Variants in CFAP58 observed in about 807,000 individuals in gnomAD.
CFAP58 encodes cilia- and flagella-associated protein 58.
Under a neutral mutation model 119.5 loss-of-function variants are expected in CFAP58, and 88 were observed. The observed-to-expected ratio is 0.74, with a 90% confidence interval of 0.62 to 0.88. The LOEUF is 0.88. CFAP58 is among the 40% of genes least tolerant of loss of function. The pLI is 0.00. For missense variants in CFAP58, 990 were observed against 1,021.2 expected, an observed-to-expected ratio of 0.97 and a Z score of 0.42; for synonymous variants, 365 against 366.3, an observed-to-expected ratio of 1.00 and a Z score of 0.04.
intron 15 of CFAP58, among the ~76,000 whole-genome samples, chr10:104,418,634 G>A (rs977622630): frequency 5.9e-5 from 9 of 152,196 alleles, no homozygotes; most frequent in Non-Finnish European, 1.2e-4. Flanking sequence ...CCTCCCAATA[G>A]AGCCACTGAA....
chr10:104,378,525 C>A (rs2011714647), intron 8 of CFAP58, among the ~76,000 whole-genome samples: 1 of 152,120 alleles, frequency 6.6e-6, no homozygotes, highest in South Asian at 2.1e-4. Context: ...TACAGCTGGG[C>A]CTCAGGAACC....
chr10:104,421,908 A>G (rs933077980), intron 15 of CFAP58, among the ~76,000 whole-genome samples: 48 of 152,226 alleles, frequency 3.2e-4, no homozygotes, highest in African/African-American at 1.1e-3. Flanking sequence ...ATTTTAGGCC[A>G]GGTGTGGTGG....
At chr10:104,388,072 G>A (rs1296364787) in intron 9 of CFAP58, among the ~76,000 whole-genome samples, 1 of 152,156 alleles carries the variant, frequency 6.6e-6, no homozygotes, top group Non-Finnish European at 1.5e-5. Context: ...TTTCATTGAT[G>A]TTAATTTGAA....
At chr10:104,341,432 CA>C in the CFAP58 span, among the ~76,000 whole-genome samples, 1 of 150,844 alleles carries the variant, frequency 6.6e-6, no homozygotes, top group African/African-American at 2.4e-5. Flanking sequence ...TAGTTATGGT[CA>C]AAATACAGAG....
chr10:104,347,844 C>T, the CFAP58 span, among the ~76,000 whole-genome samples: 1 of 152,052 alleles, frequency 6.6e-6, no homozygotes, highest in Admixed American at 6.5e-5. Context: ...CACAGGGCAT[C>T]GGCCACCAAG....
At chr10:104,432,989 T>C (rs916107600) in intron 15 of CFAP58, among the ~76,000 whole-genome samples, 1 of 152,246 alleles carries the variant, frequency 6.6e-6, no homozygotes, top group Non-Finnish European at 1.5e-5. Context: ...ATGTTTCTTG[T>C]AGTGTTATTT....
rs2013258764 is a variant in CFAP58 at position 104,455,050 on chromosome 10, G to A, written c.*520G>A. 3 of 152,202 alleles carry A rather than the reference G, an allele frequency of 2.0e-5. No individual in the cohort carries two copies. Among genetic ancestry groups the A allele is most frequent in the South Asian group, 4.1e-4 (2 of 4,830 alleles). The allele number at this position is 152,202 out of a possible 1,614,324, so 9.4% of individuals were successfully genotyped here. A position where few individuals can be genotyped will look rare whatever the true frequency, so the allele number is the denominator to read the frequency against. On this transcript the variant is annotated 3_prime_UTR_variant, in exon 18 of 18. Coordinates refer to ENST00000369704, the MANE Select transcript of CFAP58 (RefSeq NM_001008723.2). ...GGAATGGGAAAATCTATTCCAAAGA[G>A]ACACACTAATAAATACTTCATTATA... is the stretch of plus-strand genomic sequence containing the variant.
intron 7 of CFAP58, among the ~76,000 whole-genome samples, chr10:104,376,427 C>T (rs550766327): frequency 8.6e-5 from 13 of 151,024 alleles, no homozygotes; most frequent in African/African-American, 2.4e-4. Context: ...ATCCCTTGAA[C>T]CTGGGAGGCG....
chr10:104,342,158 A>G, the CFAP58 span, among the ~76,000 whole-genome samples: 4 of 152,184 alleles, frequency 2.6e-5, no homozygotes, highest in African/African-American at 9.7e-5. Flanking sequence ...TGCATTTACT[A>G]TTTTGGTATA....
upstream of CFAP58, among the ~76,000 whole-genome samples, chr10:104,349,579 T>C (rs1159277022): frequency 1.3e-5 from 2 of 152,222 alleles, no homozygotes; most frequent in African/African-American, 4.8e-5. Flanking sequence ...GGACATTAAC[T>C]TATGAATTTT....
At chr10:104,413,136 G>A (rs778801033) in intron 15 of CFAP58, among the ~76,000 whole-genome samples, 1 of 152,196 alleles carries the variant, frequency 6.6e-6, no homozygotes, top group African/African-American at 2.4e-5. Context: ...ACTTATTAAA[G>A]GTTGAAAGAT....
intron 2 of CFAP58, 131 bp from the exon 3 acceptor site, chr10:104,361,892 C>T: frequency 1.2e-6 from 1 of 817,018 alleles, no homozygotes; most frequent in South Asian, 1.8e-5. Context: ...TTGACTAGCT[C>T]ATGTTAAACA....
intron 13 of CFAP58, among the ~76,000 whole-genome samples, chr10:104,403,233 T>G (rs2012297584): frequency 6.6e-6 from 1 of 152,164 alleles, no homozygotes; most frequent in Admixed American, 6.5e-5. Flanking sequence ...ATGGTTTTTA[T>G]AACTGGGAGT....
At chr10:104,438,589 A>G (rs961812676) in intron 15 of CFAP58, among the ~76,000 whole-genome samples, 14 of 151,836 alleles carry the variant, frequency 9.2e-5, no homozygotes, top group Admixed American at 5.9e-4. Context: ...GTTAGCCAGG[A>G]TGGTCTCGAT....
intron 9 of CFAP58, among the ~76,000 whole-genome samples, chr10:104,391,222 C>T (rs972427008): frequency 1.3e-5 from 2 of 152,154 alleles, no homozygotes; most frequent in African/African-American, 2.4e-5. Flanking sequence ...TTCCACCTTT[C>T]GTTCTAGGTA....
At chr10:104,407,879 T>C (rs2012391478) in intron 15 of CFAP58, among the ~76,000 whole-genome samples, 1 of 152,096 alleles carries the variant, frequency 6.6e-6, no homozygotes, top group Non-Finnish European at 1.5e-5. Context: ...GTATTTTTAG[T>C]AGAGATGGGG....
upstream of CFAP58, chr10:104,353,544 C>T (rs2014493667): frequency 3.5e-6 from 1 of 282,062 alleles, no homozygotes; most frequent in Non-Finnish European, 6.7e-6. Flanking sequence ...CCAATTCGCC[C>T]TCTTCTTTCT....
At chr10:104,376,514 A>G (rs927771432) in intron 7 of CFAP58, among the ~76,000 whole-genome samples, 5 of 150,836 alleles carry the variant, frequency 3.3e-5, no homozygotes, top group Non-Finnish European at 5.9e-5. Context: ...AAAAAAAAAA[A>G]AAAAAAAGAA....
At chr10:104,410,698 A>G (rs1249054154) in intron 15 of CFAP58, among the ~76,000 whole-genome samples, 1 of 152,030 alleles carries the variant, frequency 6.6e-6, no homozygotes, top group Non-Finnish European at 1.5e-5. Flanking sequence ...AGCACAACGC[A>G]TTTGGGTATT....
Sources: gnomAD v4.1 joint callset for allele counts (sites outside exome capture counted in the v4.1 genomes callset) on GRCh38, gnomAD v4.1.1 for gene constraint, MANE v1.5 for transcripts, NCBI Gene and HGNC (gene_info 2026-07-23, HGNC 2026-07-21) for gene names.